Variants in INTS14 observed in about 807,000 individuals in gnomAD.
INTS14 encodes the protein integrator complex subunit 14, also known as UPF0464 protein C15orf44.
Under a neutral mutation model 56.9 loss-of-function variants are expected in INTS14, and 27 were observed. The ratio of observed to expected loss-of-function variants is 0.47; its 90% CI spans 0.35 to 0.65. The LOEUF is 0.65. Among genes scored for constraint, INTS14 ranks in the 30% least tolerant of loss-of-function variants. The pLI, the probability that INTS14 is intolerant of heterozygous loss-of-function variation, is 0.00. For missense variants in INTS14, 517 were observed against 632.2 expected (o/e 0.82, Z 1.95); for synonymous variants, 207 against 236.2 (o/e 0.88, Z 1.13).
rs140249732 is a variant in INTS14, at chr15:65,607,338, G to A, written c.43C>T (p.Arg15Ter). The A allele has an allele frequency of 1.9e-6, 3 of 1,614,114 alleles. No homozygotes were observed. The highest frequency in any genetic ancestry group is 2.5e-6 in the Non-Finnish European group (3 of 1,180,022). The change falls in exon 2 of 12, where the codon CGA (arginine) becomes TGA (stop). Residue 15 changes from arginine to a stop codon, truncating the protein, a stop_gained. Coordinates refer to ENST00000313182, the MANE Select transcript of INTS14 (RefSeq NM_001394796.1). LOFTEE classifies it high-confidence loss of function. The part of the protein sequence containing the change: ...VVMDVSLSMT[R>*]PVSIEGSEEY... The stretch of plus-strand genomic sequence containing the variant: ...TCGGACCCCTCAATAGACACAGGTC[G>A]GGTCATGGAAAGGGATACATCCATT...
chr15:65,604,373 C>T (rs753594350), intron 3 of INTS14, among the ~76,000 whole-genome samples: 4 of 152,134 alleles, frequency 2.6e-5, no homozygotes, highest in South Asian at 2.1e-4. Flanking sequence ...TGAGCCACCG[C>T]GCCTGGCTAG....
rs776508828 is a variant in INTS14 at position 65,607,211 on chromosome 15, G to GA, written c.169dup (p.Ser57PhefsTer15). 6 of 1,614,060 alleles carry GA rather than the reference G, an allele frequency of 3.7e-6. No individual in the cohort carries two copies. The highest frequency in any genetic ancestry group is 1.3e-5 in the African/African-American group (1 of 74,914). On this transcript the variant is annotated frameshift_variant, in exon 2 of 12. Transcript: ENST00000313182. LOFTEE classifies it high-confidence loss of function. ...GGGGACCATCAACTCCCAAAGTGAT[G>GA]AAAAAACCACAAGTGCTGTAAATTC...
intron 3 of INTS14, among the ~76,000 whole-genome samples, chr15:65,604,620 C>G (rs994712477): frequency 6.6e-6 from 1 of 151,204 alleles, no homozygotes; most frequent in Non-Finnish European, 1.5e-5. Flanking sequence ...GTCTCAGCTA[C>G]TCAGGAGGAC....
chr15:65,579,671 CAG>C lies in INTS14; in HGVS notation c.1306-14_1306-13del, dbSNP rs1484995647. The C allele has an allele frequency of 1.2e-6, 2 of 1,607,302 alleles. No individual in the cohort carries two copies. Among genetic ancestry groups the C allele is most frequent in the Non-Finnish European group, 1.7e-6 (2 of 1,174,640 alleles). ...AAACGGTTCAGCTCCTGAAACAAGACAGAAAATCACCAATGCTCCTGAAATGT... is the reference window on the plus strand; with the variant it reads ...AAACGGTTCAGCTCCTGAAACAAGACAAAATCACCAATGCTCCTGAAATGT... On this transcript the variant is annotated splice_polypyrimidine_tract_variant and intron_variant, in intron 11 of 11. Coordinates refer to ENST00000313182, the MANE Select transcript of INTS14 (RefSeq NM_001394796.1).
intron 1 of INTS14, among the ~76,000 whole-genome samples, chr15:65,607,969 C>A (rs1379102157): frequency 6.6e-6 from 1 of 152,124 alleles, no homozygotes; most frequent in Non-Finnish European, 1.5e-5. Flanking sequence ...CCAAATTAGA[C>A]AAATTGGAAA....
At chr15:65,593,150 C>G (rs1448188902) in intron 8 of INTS14, among the ~76,000 whole-genome samples, 4 of 150,492 alleles carry the variant, frequency 2.7e-5, no homozygotes, top group Non-Finnish European at 5.9e-5. Flanking sequence ...TGGGTCATGG[C>G]TACTTGGAAG....
intron 7 of INTS14, among the ~76,000 whole-genome samples, chr15:65,594,479 G>A (rs1039077443): frequency 2.7e-5 from 4 of 148,944 alleles, no homozygotes; most frequent in Non-Finnish European, 5.9e-5. Context: ...TGCAAACTCC[G>A]CCTCCCAGGT....
At chr15:65,592,468 CG>C (rs1201355693) in intron 8 of INTS14, among the ~76,000 whole-genome samples, 1 of 152,096 alleles carries the variant, frequency 6.6e-6, no homozygotes, top group Non-Finnish European at 1.5e-5. Context: ...TAAAAGCTAA[CG>C]GGGTTTCCTC....
In INTS14 at chr15:65,579,090, T is replaced by C. The variant is rs2072476509; in HGVS notation, c.*318A>G. The C allele has an allele frequency of 4.5e-6, 1 of 221,614 alleles. No homozygotes were observed. Among genetic ancestry groups the C allele is most frequent in the Admixed American group, 5.3e-5 (1 of 18,962 alleles). The allele number at this position is 221,614 out of a possible 1,614,324, so 13.7% of individuals were successfully genotyped here. A position where few individuals can be genotyped will look rare whatever the true frequency, so the allele number is the denominator to read the frequency against. On this transcript the variant is annotated 3_prime_UTR_variant, in exon 12 of 12. Coordinates refer to ENST00000313182, the MANE Select transcript of INTS14 (RefSeq NM_001394796.1). ...CAGGAAGCCAGAGAGCCCCTGCCGG[T>C]CAGGTTTCCTGAGGAAGGCAGGGGT...
chr15:65,579,735 A>G lies in INTS14; in HGVS notation c.1306-76T>C, dbSNP rs1596226617. 4 of 1,524,380 alleles carry G rather than the reference A, an allele frequency of 2.6e-6. No homozygotes were observed. In the Admixed American group the frequency reaches 6.1e-5, roughly 23 times the overall value. 94.4% of individuals were successfully genotyped at this position (1,524,380 alleles called of 1,614,324 possible). On this transcript the variant is annotated intron_variant, in intron 11 of 11. Coordinates refer to ENST00000313182, the MANE Select transcript of INTS14 (RefSeq NM_001394796.1). ...ATACTTTCTAAGTGCTCAGCTTAGC[A>G]TAAGTTCTCCTTGACTGAACTTTAG...
In INTS14 at chr15:65,611,085, C is replaced by T. The variant is rs2073925446; in HGVS notation, c.-63+13G>A. ...GCGAAAGGCAGTCCCGGGCCCTCGG[C>T]CTCCCCACTCACCCCGTGCCCATCG... is the stretch of plus-strand genomic sequence containing the variant. On this transcript the variant is annotated intron_variant, in intron 1 of 11. Transcript: ENST00000313182. 6.5e-7 allele frequency: 1 copy of T among 1,535,746 alleles called. No homozygotes were observed. The highest frequency in any genetic ancestry group is 2.0e-5 in the Admixed American group (1 of 50,990).
intron 1 of INTS14, among the ~76,000 whole-genome samples, chr15:65,607,856 T>C (rs1158949842): frequency 6.6e-6 from 1 of 152,274 alleles, no homozygotes; most frequent in African/African-American, 2.4e-5. Context: ...CACAACCTTT[T>C]TGCAGTATTA....
chr15:65,611,104 C>T lies in INTS14; in HGVS notation c.-69G>A, dbSNP rs773132061. 1.8e-5 allele frequency: 27 copies of T among 1,535,458 alleles called. No individual in the cohort carries two copies. Among genetic ancestry groups the T allele is most frequent in the South Asian group, 1.5e-4 (13 of 84,050 alleles). On this transcript the variant is annotated 5_prime_UTR_variant, in exon 1 of 12. Transcript: ENST00000313182. ...CCTCGGCCTCCCCACTCACCCCGTG[C>T]CCATCGCCGGACACAGTCCGTCGGC...
At chr15:65,596,337 C>G (rs1057164454) in intron 6 of INTS14, among the ~76,000 whole-genome samples, 2 of 151,780 alleles carry the variant, frequency 1.3e-5, no homozygotes, top group Non-Finnish European at 2.9e-5. Flanking sequence ...TGTTGAAAAC[C>G]TAAAATAAAT....
intron 1 of INTS14, 101 bp from the exon 2 acceptor site, chr15:65,607,543 TTTAAG>T (rs2073701601): frequency 1.5e-6 from 2 of 1,336,142 alleles, no homozygotes; most frequent in South Asian, 1.5e-5. Flanking sequence ...GCAAACACCA[TTTAAG>T]TTGAGGTGAG....
At chr15:65,594,945 TA>T (rs2073160262) in intron 7 of INTS14, among the ~76,000 whole-genome samples, 1 of 152,174 alleles carries the variant, frequency 6.6e-6, no homozygotes, top group Non-Finnish European at 1.5e-5. Context: ...CCAACTGAGA[TA>T]ACCTGGGCAT....
At position 65,596,552 on chromosome 15, in the gene INTS14, C is replaced by A. The variant is rs1030046804; in HGVS notation, c.749-727G>T. Among the ~76,000 whole-genome samples the A allele has an allele frequency of 2.6e-5, 4 of 152,094 alleles. No individual in the cohort carries two copies. In the East Asian group the frequency reaches 7.7e-4, roughly 29 times the overall value. ...CAAAAGAATTTTTAAAAATCAGAATCATGGTGAACACCTTATATTTCTTTT... is the reference window on the plus strand; with the variant it reads ...CAAAAGAATTTTTAAAAATCAGAATAATGGTGAACACCTTATATTTCTTTT... On this transcript the variant is annotated intron_variant, in intron 6 of 11. Coordinates refer to ENST00000313182, the MANE Select transcript of INTS14 (RefSeq NM_001394796.1).
At chr15:65,590,489 A>G (rs2072985124) in intron 9 of INTS14, among the ~76,000 whole-genome samples, 1 of 152,018 alleles carries the variant, frequency 6.6e-6, no homozygotes, top group African/African-American at 2.4e-5. Context: ...TGCCCCTCCC[A>G]CACCCACTCT....
At chr15:65,604,268 A>G (rs950397396) in intron 3 of INTS14, among the ~76,000 whole-genome samples, 4 of 152,090 alleles carry the variant, frequency 2.6e-5, no homozygotes, top group African/African-American at 9.7e-5. Flanking sequence ...TTTTTAGTAG[A>G]GATGGGGGTT....
Sources: allele counts gnomAD v4.1 joint callset (sites outside exome capture counted in the v4.1 genomes callset), GRCh38; gene constraint gnomAD v4.1.1; transcripts MANE v1.5; gene names NCBI Gene and HGNC (gene_info 2026-07-23, HGNC 2026-07-21).